Variants in SNX17 observed in about 807,000 individuals in gnomAD.
SNX17 encodes the protein sorting nexin 17, also known as sorting nexin-17.
Under a neutral mutation model 64.3 loss-of-function variants are expected in SNX17, and 35 were observed. That is an observed-to-expected ratio of 0.54 (90% CI 0.42 to 0.72). SNX17 has a LOEUF of 0.72. SNX17 is among the 30% of genes least tolerant of loss of function. The pLI, the probability that SNX17 is intolerant of heterozygous loss-of-function variation, is 0.00. For synonymous variants in SNX17, 259 were observed against 230.2 expected (o/e 1.13, Z -1.13); for missense variants, 538 against 610.0 (o/e 0.88, Z 1.24).
At position 27,375,763 on chromosome 2, in the gene SNX17, A is replaced by G. The variant is rs1683134789; in HGVS notation, c.978+54A>G. 2 of 1,611,298 alleles carry G rather than the reference A, an allele frequency of 1.2e-6. No individual in the cohort carries two copies. Among genetic ancestry groups the G allele is most frequent in the Non-Finnish European group, 1.7e-6 (2 of 1,178,822 alleles). On this transcript the variant is annotated intron_variant, in intron 10 of 14. Coordinates refer to ENST00000233575, the MANE Select transcript of SNX17 (RefSeq NM_014748.4). This position sits in a 1 kb window ranked among gnomAD's most constrained non-coding sequence, Gnocchi z 4.1. Reference sequence around the variant, plus strand: ...TGGGTTGGGGGCCCGGCAAGCCTTGAGCTTAGGTATGGGCTGCAGCGGGTC... The same window carrying G: ...TGGGTTGGGGGCCCGGCAAGCCTTGGGCTTAGGTATGGGCTGCAGCGGGTC...
intron 1 of SNX17, 23 bp from the exon 2 acceptor site, chr2:27,371,246 C>T (rs978722969): frequency 3.1e-6 from 5 of 1,611,206 alleles, no homozygotes; most frequent in Admixed American, 1.7e-5. Flanking sequence ...CCCTAAAATG[C>T]TTGACTACTT....
chr2:27,375,290 C>G lies in SNX17; in HGVS notation c.774+137C>G. On this transcript the variant is annotated intron_variant, in intron 9 of 14. Transcript: ENST00000233575. The surrounding 1 kb of genome is among the most constrained non-coding windows in gnomAD (Gnocchi z 4.1). ...AGTAGCTGGGACTACAGGCACCCGC[C>G]ACGACGCCCGGCTAATTTTTTGTAT... 1.1e-6 allele frequency: 1 copy of G among 903,324 alleles called. No homozygotes were observed. Among genetic ancestry groups the G allele is most frequent in the Non-Finnish European group, 1.7e-6 (1 of 592,530 alleles). The allele number at this position is 903,324 out of a possible 1,614,324, so 56.0% of individuals were successfully genotyped here.
rs41288835 is a variant in SNX17 at position 27,375,295 on chromosome 2, C to T, written c.774+142C>T. 3.2e-4 allele frequency: 284 copies of T among 894,256 alleles called. No individual in the cohort carries two copies. The highest frequency in any genetic ancestry group is 4.6e-4 in the Non-Finnish European group (271 of 585,426). The allele number at this position is 894,256 out of a possible 1,614,324, so 55.4% of individuals were successfully genotyped here. On this transcript the variant is annotated intron_variant, in intron 9 of 14. Coordinates refer to ENST00000233575, the MANE Select transcript of SNX17 (RefSeq NM_014748.4). The surrounding 1 kb of genome is among the most constrained non-coding windows in gnomAD (Gnocchi z 4.1). ...CTGGGACTACAGGCACCCGCCACGA[C>T]GCCCGGCTAATTTTTTGTATTTTTG...
rs904222754 is a variant in SNX17, at chr2:27,373,129, G to A, written c.257-118G>A. On this transcript the variant is annotated intron_variant, in intron 3 of 14. Coordinates refer to ENST00000233575, the MANE Select transcript of SNX17 (RefSeq NM_014748.4). ...AGTGAGTGAGGTGAGGCCAGCTGGGGGATGTGGCAGGCCACCATCAGCCCA... is the reference window on the plus strand; with the variant it reads ...AGTGAGTGAGGTGAGGCCAGCTGGGAGATGTGGCAGGCCACCATCAGCCCA... The A allele has an allele frequency of 3.4e-5, 54 of 1,597,546 alleles. No homozygotes were observed. In the South Asian group the frequency reaches 3.7e-4, roughly 11 times the overall value.
chr2:27,373,994 C>T, intron 5 of SNX17, 23 bp downstream of exon 5: 3 of 1,608,402 alleles, frequency 1.9e-6, no homozygotes, highest in African/African-American at 1.3e-5. Context: ...TTCAGCACTG[C>T]CCCTTCTTCC....
chr2:27,374,233 C>T, intron 6 of SNX17, 58 bp downstream of exon 6: 1 of 1,541,226 alleles, frequency 6.5e-7, no homozygotes, highest in South Asian at 1.1e-5. Flanking sequence ...TTTGCAGCCC[C>T]CCTAACTCCC....
intron 1 of SNX17, 35 bp downstream of exon 1, chr2:27,370,841 G>T: frequency 1.1e-5 from 17 of 1,531,186 alleles, no homozygotes; most frequent in Non-Finnish European, 1.5e-5. Context: ...GGGCCGGGCA[G>T]GGGCGGGGAT....
Position 27,375,541 on chromosome 2 carries a change from C to T in SNX17, c.810C>T (p.Gly270=). 6.2e-7 allele frequency: 1 copy of T among 1,614,214 alleles called. No individual in the cohort carries two copies. ...TGGCCCAGACGCTGCGGCACTATGG[C>T]TACTTGCGCTTTGATGCCTGTGTGG... The part of the protein sequence containing the change: ...LRLAQTLRHY[G]YLRFDACVAD... The change falls in exon 10 of 15, where the codon GGC becomes GGT. Residue 270 remains glycine (G), a synonymous_variant. Coordinates refer to ENST00000233575, the MANE Select transcript of SNX17 (RefSeq NM_014748.4). The surrounding 1 kb of genome is among the most constrained non-coding windows in gnomAD (Gnocchi z 4.1).
intron 6 of SNX17, 56 bp downstream of exon 6, chr2:27,374,231 C>T (rs1179717914): frequency 6.5e-7 from 1 of 1,527,760 alleles, no homozygotes; most frequent in Admixed American, 1.7e-5. Context: ...AGTTTGCAGC[C>T]CCCCTAACTC....
At position 27,375,275 on chromosome 2, in the gene SNX17, A is replaced by G; in HGVS notation, c.774+122A>G. The G allele has an allele frequency of 1.0e-6, 1 of 964,396 alleles. No homozygotes were observed. The highest frequency in any genetic ancestry group is 2.6e-5 in the East Asian group (1 of 38,114). 59.7% of individuals were successfully genotyped at this position (964,396 alleles called of 1,614,324 possible). A position where few individuals can be genotyped will look rare whatever the true frequency, so the allele number is the denominator to read the frequency against. On this transcript the variant is annotated intron_variant, in intron 9 of 14. Transcript: ENST00000233575. This position sits in a 1 kb window ranked among gnomAD's most constrained non-coding sequence, Gnocchi z 4.1. ...CGCCTCAGCCTCCCGAGTAGCTGGG[A>G]CTACAGGCACCCGCCACGACGCCCG...
intron 2 of SNX17, 88 bp from the exon 3 acceptor site, chr2:27,372,535 C>A: frequency 6.3e-7 from 1 of 1,589,380 alleles, no homozygotes; most frequent in Non-Finnish European, 8.6e-7. Flanking sequence ...AAGGGAGGGG[C>A]ACCCAAGAGA....
Position 27,372,724 on chromosome 2 carries a change from G to A in SNX17, c.240G>A (p.Glu80=), listed in dbSNP as rs758748063. ...TAGAACAGAGGAGAGAGCAGTTAGA[G>A]AAGTACATGCAAGCTGGTGAGTGGT... The part of the protein sequence containing the change: ...AEVEQRREQL[E]KYMQAVRQDP... The change falls in exon 3 of 15, where the codon GAG becomes GAA. Residue 80 remains glutamate (E), a synonymous_variant. Coordinates refer to ENST00000233575, the MANE Select transcript of SNX17 (RefSeq NM_014748.4). 1.9e-6 allele frequency: 3 copies of A among 1,614,206 alleles called. No homozygotes were observed. The South Asian group carries it at 3.3e-5, about 18-fold the overall frequency.
In SNX17 at chr2:27,375,634, C is replaced by G; in HGVS notation, c.903C>G (p.Leu301=). The change falls in exon 10 of 15, where the codon CTC becomes CTG. Residue 301 remains leucine, a synonymous_variant. Transcript: ENST00000233575. This position sits in a 1 kb window ranked among gnomAD's most constrained non-coding sequence, Gnocchi z 4.1. The part of the protein sequence containing the change: ...SAGNSELSLQ[L]RLPGQQLREG... ...GCAACAGTGAGCTCAGCCTGCAGCT[C>G]CGCCTGCCTGGCCAGCAACTCCGAG... 1.9e-6 allele frequency: 3 copies of G among 1,614,202 alleles called. No homozygotes were observed. Among genetic ancestry groups the G allele is most frequent in the Non-Finnish European group, 2.5e-6 (3 of 1,180,038 alleles).
In SNX17 at chr2:27,374,744, C is replaced by G. The variant is rs201235068; in HGVS notation, c.667C>G (p.Leu223Val). The G allele has an allele frequency of 2.5e-6, 4 of 1,614,140 alleles. No homozygotes were observed. Among genetic ancestry groups the G allele is most frequent in the Admixed American group, 3.3e-5 (2 of 60,022 alleles). ...CATGGAGAACCGGGTTGGCCTGAAC[C>G]TGCTTTATGCTCAGGTGAGCTTGGA... ...DVMENRVGLN[L>V]LYAQTVSDIE... The change falls in exon 8 of 15, where the codon CTG becomes GTG. Residue 223 changes from leucine to valine, a missense_variant. Around this residue, in one of 3 missense-constraint regions of SNX17, gnomAD observed 505 missense variants for 550.4 expected, o/e 0.92. Coordinates refer to ENST00000233575, the MANE Select transcript of SNX17 (RefSeq NM_014748.4).
chr2:27,376,150 G>A lies in SNX17; in HGVS notation c.1149G>A (p.Leu383=), dbSNP rs1004598666. Reference sequence around the variant, plus strand: ...GCTTGCAGTCCATGGTTGATGAACTGATGGTGAAGAAATCTGGCGGCAGTA... The same window carrying A: ...GCTTGCAGTCCATGGTTGATGAACTAATGGTGAAGAAATCTGGCGGCAGTA... The part of the protein sequence containing the change: ...SICLQSMVDE[L]MVKKSGGSIR... Residue 383 remains leucine, a synonymous_variant, in exon 12 of 15, where the codon CTG becomes CTA. Transcript: ENST00000233575. 8 of 1,614,024 alleles carry A rather than the reference G, an allele frequency of 5.0e-6. 1 individual carries two copies. Among genetic ancestry groups the A allele is most frequent in the Middle Eastern group, 1.6e-4 (1 of 6,084 alleles).
chr2:27,377,496 AG>A lies in SNX17; in HGVS notation c.*779del, dbSNP rs1310293765. 1 of 1,598,144 alleles carries A rather than the reference AG, an allele frequency of 6.3e-7. No individual in the cohort carries two copies. The highest frequency in any genetic ancestry group is 8.6e-7 in the Non-Finnish European group (1 of 1,167,098). ...AGCCCCTGGCCAGCGGGGGAGAAAA[AG>A]GTGGCTTCTGGTCCGTCTGTATAAA... On this transcript the variant is annotated 3_prime_UTR_variant, in exon 15 of 15. Transcript: ENST00000233575. The surrounding 1 kb of genome is among the most constrained non-coding windows in gnomAD (Gnocchi z 4.4).
Position 27,375,028 on chromosome 2 carries a change from C to T in SNX17, c.682-33C>T, listed in dbSNP as rs1356550433. 3 of 1,586,626 alleles carry T rather than the reference C, an allele frequency of 1.9e-6. No individual in the cohort carries two copies. Among genetic ancestry groups the T allele is most frequent in the Non-Finnish European group, 2.6e-6 (3 of 1,155,130 alleles). On this transcript the variant is annotated intron_variant, in intron 8 of 14. Coordinates refer to ENST00000233575, the MANE Select transcript of SNX17 (RefSeq NM_014748.4). The surrounding 1 kb of genome is among the most constrained non-coding windows in gnomAD (Gnocchi z 4.1). ...GCTTTCCTTGGATTGCTGACTGGGA[C>T]CTCCTACTGCCTGCCCCTTGTCTCT... is the stretch of plus-strand genomic sequence containing the variant.
rs751854478 is a variant in SNX17 at position 27,376,352 on chromosome 2, G to C, written c.1222G>C (p.Asp408His). 3 of 1,612,786 alleles carry C rather than the reference G, an allele frequency of 1.9e-6. No homozygotes were observed. Among genetic ancestry groups the C allele is most frequent in the South Asian group, 2.2e-5 (2 of 91,048 alleles). ...GGTGGGGGGTACTCTGAGACGCTCA[G>C]ACAGCCAGCAAGCAGTGAAGTCCCC... is the stretch of plus-strand genomic sequence containing the variant. Reference protein sequence around the residue: ...RRVGGTLRRSDSQQAVKSPPL... With the variant: ...RRVGGTLRRSHSQQAVKSPPL... Residue 408 changes from aspartate (D) to histidine (H), a missense_variant, in exon 13 of 15, where the codon GAC (aspartate) becomes CAC (histidine). Coordinates refer to ENST00000233575, the MANE Select transcript of SNX17 (RefSeq NM_014748.4).
chr2:27,373,483 C>T, intron 4 of SNX17, 172 bp downstream of exon 4: 1 of 636,938 alleles, frequency 1.6e-6, no homozygotes, highest in Non-Finnish European at 2.7e-6. Flanking sequence ...CTGCCTCAGC[C>T]TCCCAAGTAG....
Sources: allele counts gnomAD v4.1 joint callset, GRCh38; gene constraint gnomAD v4.1.1; regional missense constraint gnomAD v4.1.1; non-coding constraint Gnocchi (gnomAD v3.1); transcripts MANE v1.5; gene names NCBI Gene and HGNC (gene_info 2026-07-23, HGNC 2026-07-21).